The following SIK3 variants were observed in gnomAD, a reference collection of about 807,000 sequenced individuals.
SIK3 encodes serine/threonine-protein kinase SIK3.
A neutral mutation model predicts 144.2 loss-of-function variants in SIK3; 28 were observed. The observed-to-expected ratio is 0.19, with a 90% CI of 0.14 to 0.27. The LOEUF is 0.27. Ranked by LOEUF, SIK3 falls within the 10% of genes least tolerant of loss-of-function variation. SIK3 has a pLI of 1.00. For missense variants in SIK3, 1,319 were observed against 1,776.0 expected (o/e 0.74, Z 4.62); for synonymous variants, 686 against 676.3 (o/e 1.01, Z -0.22).
rs1286165663 is a variant in SIK3 at position 116,980,150 on chromosome 11, A to C, written c.274-23086T>G. Among the ~76,000 whole-genome samples, 3 of 152,202 alleles carry C rather than the reference A, an allele frequency of 2.0e-5. No homozygotes were observed. In the East Asian group the frequency reaches 5.8e-4, roughly 29 times the overall value. ...TAAACCCATCATAAGTTGAAATATT[A>C]CTAAGTCAAAAATGCATTTAATACA... On this transcript the variant is annotated intron_variant, in intron 1 of 24. Coordinates refer to ENST00000445177, the MANE Select transcript of SIK3 (RefSeq NM_001366686.3).
rs1949239096 is a variant in SIK3, at chr11:116,958,849, T to C, written c.274-1785A>G. Among the ~76,000 whole-genome samples the C allele has an allele frequency of 2.0e-5, 3 of 152,288 alleles. No homozygotes were observed. The South Asian group carries it at 6.2e-4, about 32-fold the overall frequency. The stretch of plus-strand genomic sequence containing the variant: ...TACAAGACCTTAACTCCACAACTGG[T>C]CTAGCATCTGCTCCTGCTTCTCTCA... On this transcript the variant is annotated intron_variant, in intron 1 of 24. Coordinates refer to ENST00000445177, the MANE Select transcript of SIK3 (RefSeq NM_001366686.3).
At chr11:117,001,042 T>C (rs564514660) in intron 1 of SIK3, among the ~76,000 whole-genome samples, 15 of 152,246 alleles carry the variant, frequency 9.9e-5, no homozygotes, top group Non-Finnish European at 1.5e-4. Flanking sequence ...TCTTTATCTA[T>C]AGGAACTAGA....
intron 21 of SIK3, among the ~76,000 whole-genome samples, chr11:116,853,126 G>T (rs1369242279): frequency 6.6e-6 from 1 of 152,198 alleles, no homozygotes; most frequent in African/African-American, 2.4e-5. Context: ...AATGACGGTT[G>T]TTTGGGGGCT....
At chr11:116,981,578 T>A (rs1950142217) in intron 1 of SIK3, among the ~76,000 whole-genome samples, 1 of 151,926 alleles carries the variant, frequency 6.6e-6, no homozygotes, top group South Asian at 2.1e-4. Flanking sequence ...AGAGCAGGAG[T>A]CAGGAAATAC....
At chr11:116,875,661 CACA>C (rs1266085135) in intron 9 of SIK3, 13 of 827,226 alleles carry the variant, frequency 1.6e-5, no homozygotes, top group Middle Eastern at 3.6e-4. Flanking sequence ...AAACAAAAGG[CACA>C]ACTATTGTTG....
chr11:116,882,070 C>T (rs1336090793), intron 6 of SIK3, among the ~76,000 whole-genome samples: 3 of 152,108 alleles, frequency 2.0e-5, no homozygotes, highest in Admixed American at 6.5e-5. Flanking sequence ...ATTCTCTCCT[C>T]TGGCAGATCA....
intron 6 of SIK3, among the ~76,000 whole-genome samples, chr11:116,887,153 C>G (rs556278194): frequency 3.6e-4 from 55 of 151,588 alleles, no homozygotes; most frequent in South Asian, 2.9e-3. Context: ...GCCTATGATC[C>G]CAGCATTTTG....
intron 1 of SIK3, among the ~76,000 whole-genome samples, chr11:116,978,644 C>A (rs772324302): frequency 6.6e-6 from 1 of 152,006 alleles, no homozygotes; most frequent in African/African-American, 2.4e-5. Flanking sequence ...ACTAGAAATA[C>A]GGGTACACAC....
intron 4 of SIK3, among the ~76,000 whole-genome samples, chr11:116,899,240 A>C (rs1591269534): frequency 6.6e-6 from 1 of 151,736 alleles, no homozygotes; most frequent in South Asian, 2.1e-4. Flanking sequence ...TCCTTTCCCC[A>C]TTGCTTGTTT....
At chr11:116,925,569 A>C (rs1439279983) in intron 4 of SIK3, among the ~76,000 whole-genome samples, 1 of 152,260 alleles carries the variant, frequency 6.6e-6, no homozygotes, top group Non-Finnish European at 1.5e-5. Context: ...ACTACAGGCT[A>C]ACAAATCTGT....
intron 3 of SIK3, among the ~76,000 whole-genome samples, chr11:116,929,028 G>C (rs989483665): frequency 1.3e-5 from 2 of 152,166 alleles, no homozygotes; most frequent in Non-Finnish European, 2.9e-5. Flanking sequence ...GCTCCCACTC[G>C]GGTGTGTTTA....
chr11:116,917,478 G>A (rs534999992), intron 4 of SIK3, among the ~76,000 whole-genome samples: 3 of 152,228 alleles, frequency 2.0e-5, no homozygotes, highest in African/African-American at 7.2e-5. Context: ...GGTAGGTGGG[G>A]TGAGAAGATC....
chr11:116,992,020 G>C (rs1246640228), intron 1 of SIK3, among the ~76,000 whole-genome samples: 4 of 151,966 alleles, frequency 2.6e-5, no homozygotes, highest in Non-Finnish European at 5.9e-5. Context: ...TACGTATTTA[G>C]ACATACATAC....
intron 13 of SIK3, among the ~76,000 whole-genome samples, chr11:116,873,146 G>A (rs952023487): frequency 6.6e-6 from 1 of 152,234 alleles, no homozygotes; most frequent in Admixed American, 6.5e-5. Context: ...GCAGGGAAAG[G>A]TTGCCTGGGA....
rs564588654 is a variant in SIK3, at chr11:116,886,261, C to T, written c.866-9219G>A. 2.0e-3 allele frequency among the ~76,000 whole-genome samples: 298 copies of T among 152,272 alleles called. 1 individual carries two copies. Among genetic ancestry groups the T allele is most frequent in the South Asian group, 7.5e-3 (36 of 4,824 alleles). ...GCACTACATAGATTTTTCTCTCTGG[C>T]GGTGCAGTGTGTCTCAAAAGGTATG... On this transcript the variant is annotated intron_variant, in intron 6 of 24. Transcript: ENST00000445177.
intron 3 of SIK3, among the ~76,000 whole-genome samples, chr11:116,928,066 C>T (rs879605429): frequency 5.9e-5 from 9 of 152,096 alleles, no homozygotes; most frequent in Non-Finnish European, 1.0e-4. Context: ...AAGTTTCTAC[C>T]AACTCAAATA....
At chr11:116,920,851 T>C (rs1296523622) in intron 4 of SIK3, among the ~76,000 whole-genome samples, 1 of 152,220 alleles carries the variant, frequency 6.6e-6, no homozygotes, top group Non-Finnish European at 1.5e-5. Context: ...CTGACAATCT[T>C]GTGGAATCTT....
chr11:116,861,924 G>A lies in SIK3; in HGVS notation c.2232C>T (p.Asp744=), dbSNP rs1320762851. Residue 744 remains aspartate (D), a splice_region_variant and synonymous_variant, in exon 18 of 25, where the codon GAC becomes GAT. Transcript: ENST00000445177. ...GAGATGGCTGAGGAGGACAGATAGA[G>A]TCCTAAAACATATATGGGGAAAGGA... ...HHQILQQQIQ[D]SICPPQPSPP... is the part of the protein sequence containing the mutation. 6.2e-7 allele frequency: 1 copy of A among 1,606,264 alleles called. No individual in the cohort carries two copies. Among genetic ancestry groups the A allele is most frequent in the Non-Finnish European group, 8.5e-7 (1 of 1,176,058 alleles).
chr11:116,847,575 C>G lies in SIK3; in HGVS notation c.3853G>C (p.Val1285Leu). The change falls in exon 23 of 25, where the codon GTG (valine) becomes CTG (leucine). Residue 1285 changes from valine to leucine, a missense_variant. Physicochemically the swap from Val to Leu is conservative, Grantham distance 32. Transcript: ENST00000445177. ...GCAGAGCTAAGTGCTTTCCCAGCCA[C>G]GAGACTCATTCCTGGCAAGTTATCC... ...QLDNLPGMSL[V>L]AGKALSSARM... The G allele has an allele frequency of 6.2e-7, 1 of 1,614,174 alleles. No individual in the cohort carries two copies. The highest frequency in any genetic ancestry group is 8.5e-7 in the Non-Finnish European group (1 of 1,180,034).
Sources: gnomAD v4.1 joint callset for allele counts (sites outside exome capture counted in the v4.1 genomes callset) on GRCh38, gnomAD v4.1.1 for gene constraint, MANE v1.5 for transcripts, NCBI Gene and HGNC (gene_info 2026-07-23, HGNC 2026-07-21) for gene names.